Variants in TBC1D23 observed in about 807,000 individuals in gnomAD.
TBC1D23 encodes TBC1 domain family member 23, also known as HCV non-structural protein 4A-transactivated protein 1.
TBC1D23 carries 55 observed loss-of-function variants against 91.4 expected under a neutral mutation model. The ratio of observed to expected loss-of-function variants is 0.60; its 90% CI spans 0.48 to 0.75. The LOEUF (loss-of-function observed/expected upper bound fraction) is 0.75. TBC1D23 is among the 30% of genes least tolerant of loss of function. The pLI is 0.00. For missense variants in TBC1D23, 725 were observed against 836.1 expected (o/e 0.87, Z 1.64); for synonymous variants, 289 against 281.0 (o/e 1.03, Z -0.28).
chr3:100,295,283 A>G lies in TBC1D23; in HGVS notation c.726-19A>G. ...CTCTGTTAATATTTAACTCAAATTGATTTGATTCCCTTTTACAGAGAAGTT... is the reference window on the plus strand; with the variant it reads ...CTCTGTTAATATTTAACTCAAATTGGTTTGATTCCCTTTTACAGAGAAGTT... On this transcript the variant is annotated intron_variant, in intron 6 of 18. Transcript: ENST00000394144. The G allele has an allele frequency of 1.2e-6, 2 of 1,606,802 alleles. No homozygotes were observed. Among genetic ancestry groups the G allele is most frequent in the Non-Finnish European group, 1.7e-6 (2 of 1,177,824 alleles).
chr3:100,306,395 T>C, intron 12 of TBC1D23, 42 bp from the exon 13 acceptor site: 1 of 1,180,600 alleles, frequency 8.5e-7, no homozygotes. Flanking sequence ...CCAAAGAGTG[T>C]TGATATTTTA....
At chr3:100,291,281 T>C (rs1025924003) in intron 5 of TBC1D23, among the ~76,000 whole-genome samples, 1 of 152,162 alleles carries the variant, frequency 6.6e-6, no homozygotes, top group Non-Finnish European at 1.5e-5. Context: ...ATGGATTATA[T>C]TGAGAAGTTG....
At chr3:100,275,308 A>G (rs767751598) in intron 1 of TBC1D23, among the ~76,000 whole-genome samples, 13 of 150,188 alleles carry the variant, frequency 8.7e-5, no homozygotes, top group Middle Eastern at 3.4e-3. Context: ...GTTTTTTGAG[A>G]CAGGGTCTCG....
In TBC1D23 at chr3:100,323,875, A is replaced by T. The variant is rs973782443; in HGVS notation, c.*207A>T. On this transcript the variant is annotated 3_prime_UTR_variant, in exon 19 of 19. Coordinates refer to ENST00000394144, the MANE Select transcript of TBC1D23 (RefSeq NM_001199198.3). ...TTCTGCATTTTGGTTTTATAAAATG[A>T]TGTATTATAAAGGTCAGTTATTAAA... is the stretch of plus-strand genomic sequence containing the variant. 5 of 225,068 alleles carry T rather than the reference A, an allele frequency of 2.2e-5. No individual in the cohort carries two copies. Among genetic ancestry groups the T allele is most frequent in the Non-Finnish European group, 4.5e-5 (5 of 111,864 alleles). 13.9% of individuals were successfully genotyped at this position (225,068 alleles called of 1,614,324 possible). A position where few individuals can be genotyped will look rare whatever the true frequency, so the allele number is the denominator to read the frequency against.
In TBC1D23 at chr3:100,296,353, TAA is replaced by T. The variant is rs1159871770; in HGVS notation, c.876+81_876+82del. ...TTTATTACTTTATATTCACTTTAGTTAAAATAGGTTGTCAATTTTTTCTGTTT... is the reference window on the plus strand; with the variant it reads ...TTTATTACTTTATATTCACTTTAGTTAATAGGTTGTCAATTTTTTCTGTTT... On this transcript the variant is annotated intron_variant, in intron 8 of 18. Coordinates refer to ENST00000394144, the MANE Select transcript of TBC1D23 (RefSeq NM_001199198.3). 4.8e-6 allele frequency: 4 copies of T among 834,356 alleles called. No individual in the cohort carries two copies. In the South Asian group the frequency reaches 5.9e-5, roughly 12 times the overall value. 51.7% of individuals were successfully genotyped at this position (834,356 alleles called of 1,614,324 possible).
At position 100,263,853 on chromosome 3, in the gene TBC1D23, A is replaced by G. The variant is rs77183435; in HGVS notation, c.53+2782A>G. On this transcript the variant is annotated intron_variant, in intron 1 of 18. Transcript: ENST00000394144. ...GGGATTGTGAGAATCTCTGGTTCAC[A>G]TGGGCAGAGGACATGGAGTGAATGT... 6.4e-3 allele frequency among the ~76,000 whole-genome samples: 981 copies of G among 152,298 alleles called. 10 individuals are homozygous for G. Among genetic ancestry groups the G allele is most frequent in the African/African-American group, 0.023 (938 of 41,566 alleles).
rs758687852 is a variant in TBC1D23, at chr3:100,283,759, C to A, written c.424C>A (p.Arg142Ser). 3 of 1,613,126 alleles carry A rather than the reference C, an allele frequency of 1.9e-6. No homozygotes were observed. Among genetic ancestry groups the A allele is most frequent in the African/African-American group, 1.3e-5 (1 of 74,908 alleles). ...LKPLVHLQLPRSDLYNCFYAI... is the reference protein window; with the variant it reads ...LKPLVHLQLPSSDLYNCFYAI... The stretch of plus-strand genomic sequence containing the variant: ...ACCATTGGTGCATCTTCAACTGCCA[C>A]GCAGCGATTTATACAACTGCTTTTA... The change falls in exon 4 of 19, where the codon CGC becomes AGC. Residue 142 changes from arginine to serine, a missense_variant. By Grantham distance (110) the Arg-to-Ser change is moderately radical. Transcript: ENST00000394144.
intron 16 of TBC1D23, among the ~76,000 whole-genome samples, chr3:100,318,119 ACATGAGAGTT>A (rs1164988006): frequency 1.1e-4 from 16 of 152,074 alleles, no homozygotes; most frequent in Admixed American, 1.0e-3. Flanking sequence ...AGGAGGAGAT[ACATGAGAGTT>A]TCACTTTTGT....
chr3:100,280,335 A>G (rs2067684060), intron 2 of TBC1D23, among the ~76,000 whole-genome samples: 1 of 152,230 alleles, frequency 6.6e-6, no homozygotes, highest in Non-Finnish European at 1.5e-5. Flanking sequence ...GATCATAACA[A>G]TGTTAAAAAT....
chr3:100,269,414 G>T (rs1333437864), intron 1 of TBC1D23, among the ~76,000 whole-genome samples: 1 of 152,172 alleles, frequency 6.6e-6, no homozygotes, highest in Non-Finnish European at 1.5e-5. Flanking sequence ...CTTGTAACAA[G>T]CATGTCTGAT....
intron 1 of TBC1D23, among the ~76,000 whole-genome samples, chr3:100,267,883 GT>G (rs1396929382): frequency 1.3e-5 from 2 of 152,136 alleles, no homozygotes; most frequent in African/African-American, 4.8e-5. Flanking sequence ...AGAAAGCAAA[GT>G]TATGCATTGG....
chr3:100,272,215 A>G (rs375364675), intron 1 of TBC1D23, among the ~76,000 whole-genome samples: 77 of 152,270 alleles, frequency 5.1e-4, no homozygotes, highest in African/African-American at 1.8e-3. Context: ...TATCCTTCCA[A>G]TATTCAGTAT....
chr3:100,268,055 C>T (rs2067571062), intron 1 of TBC1D23, among the ~76,000 whole-genome samples: 1 of 151,908 alleles, frequency 6.6e-6, no homozygotes, highest in Non-Finnish European at 1.5e-5. Context: ...ACCTGTAGTC[C>T]CAGCTACTTG....
chr3:100,261,085 G>C lies in TBC1D23; in HGVS notation c.53+14G>C. ...CGGCGACGGCTGGTGAGTGAAAGCC[G>C]GGGCTAATTTCCAATGCCCCTTTAT... On this transcript the variant is annotated intron_variant, in intron 1 of 18. Coordinates refer to ENST00000394144, the MANE Select transcript of TBC1D23 (RefSeq NM_001199198.3). 2 of 1,611,862 alleles carry C rather than the reference G, an allele frequency of 1.2e-6. No homozygotes were observed. Among genetic ancestry groups the C allele is most frequent in the Non-Finnish European group, 1.7e-6 (2 of 1,178,066 alleles).
intron 1 of TBC1D23, chr3:100,267,188 A>C (rs567749827): frequency 1.8e-4 from 77 of 439,172 alleles, no homozygotes; most frequent in African/African-American, 1.4e-3. Context: ...AGGATTAAAC[A>C]GTTTGAAAAG....
Position 100,310,419 on chromosome 3 carries a change from G to T in TBC1D23, c.1430G>T (p.Gly477Val). ...INSVDGESPN[G>V]SSDRGMKSLV... Reference sequence around the variant, plus strand: ...TTTTTTTAGGGTGAATCTCCTAATGGCTCAAGTGATAGAGGAATGAAATCA... The same window carrying T: ...TTTTTTTAGGGTGAATCTCCTAATGTCTCAAGTGATAGAGGAATGAAATCA... Residue 477 changes from glycine to valine, a missense_variant, in exon 14 of 19, where the codon GGC (glycine) becomes GTC (valine). Physicochemically the swap from Gly to Val is moderately radical, Grantham distance 109. Transcript: ENST00000394144. The T allele has an allele frequency of 2.2e-5, 35 of 1,612,392 alleles. No homozygotes were observed. The highest frequency in any genetic ancestry group is 2.9e-5 in the Non-Finnish European group (34 of 1,179,442).
chr3:100,271,704 G>A (rs933482498), intron 1 of TBC1D23, among the ~76,000 whole-genome samples: 1 of 152,148 alleles, frequency 6.6e-6, no homozygotes, highest in African/African-American at 2.4e-5. Flanking sequence ...AAAGTGGCTG[G>A]GTAAGGAGTC....
intron 1 of TBC1D23, among the ~76,000 whole-genome samples, chr3:100,264,295 C>T (rs2067540610): frequency 6.6e-6 from 1 of 151,776 alleles, no homozygotes; most frequent in African/African-American, 2.4e-5. Context: ...TTTCTCTCCC[C>T]TCCCCCTCCC....
At chr3:100,322,220 G>T (rs770521654) in intron 18 of TBC1D23, among the ~76,000 whole-genome samples, 1 of 151,990 alleles carries the variant, frequency 6.6e-6, no homozygotes, top group African/African-American at 2.4e-5. Context: ...TCAGCCTACC[G>T]AGTAGCTGGG....
Sources: allele counts gnomAD v4.1 joint callset (sites outside exome capture counted in the v4.1 genomes callset), GRCh38; gene constraint gnomAD v4.1.1; transcripts MANE v1.5; gene names NCBI Gene and HGNC (gene_info 2026-07-23, HGNC 2026-07-21).